Variants in CADM2 observed in about 807,000 individuals in gnomAD.
The protein encoded by CADM2 is cell adhesion molecule 2.
In CADM2, 12 loss-of-function variants were observed where a neutral mutation model predicts 49.8. That is an observed-to-expected ratio of 0.24 (90% confidence interval 0.15 to 0.39). CADM2 has a LOEUF of 0.39. Ranked by LOEUF, CADM2 falls within the 10% of genes least tolerant of loss-of-function variation. The probability of loss-of-function intolerance (pLI) is 1.00; values close to 1 mark genes in which losing one functional copy is unlikely to be tolerated. For synonymous variants in CADM2, 214 were observed against 175.4 expected, an observed-to-expected ratio of 1.22 and a Z score of -1.74; for missense variants, 378 against 492.3, an observed-to-expected ratio of 0.77 and a Z score of 2.20.
chr3:85,923,222 T>G (rs1719374228), intron 6 of CADM2, among the ~76,000 whole-genome samples: 1 of 152,182 alleles, frequency 6.6e-6, no homozygotes, highest in Non-Finnish European at 1.5e-5. Flanking sequence ...TCAAAAATCA[T>G]AAAAGGTAAA....
rs903510966 is a variant in CADM2 at position 85,947,551 on chromosome 3, G to GA, written c.791+11704dup. Among the ~76,000 whole-genome samples, 986 of 147,390 alleles carry GA rather than the reference G, an allele frequency of 6.7e-3. 9 individuals carry two copies. The highest frequency in any genetic ancestry group is 0.023 in the African/African-American group (917 of 40,424). On this transcript the variant is annotated intron_variant, in intron 7 of 9. Transcript: ENST00000383699. Reference sequence around the variant, plus strand: ...AAATTCATTCTAAATTTTCAAAATTGAAAAAAAAAATGTGTGCAGTCCTTT... The same window carrying GA: ...AAATTCATTCTAAATTTTCAAAATTGAAAAAAAAAAATGTGTGCAGTCCTTT...
chr3:85,238,738 A>T (rs2042463884), intron 1 of CADM2, among the ~76,000 whole-genome samples: 1 of 151,914 alleles, frequency 6.6e-6, no homozygotes, highest in Non-Finnish European at 1.5e-5. Context: ...TTACATAGGA[A>T]ATAATGACCT....
intron 1 of CADM2, among the ~76,000 whole-genome samples, chr3:85,030,762 T>C (rs115826591): frequency 0.014 from 2,190 of 152,264 alleles, 48 homozygotes; most frequent in African/African-American, 0.05. Flanking sequence ...ACACGAGTCC[T>C]CCATTACCCT....
Position 86,070,062 on chromosome 3 carries a change from T to C in CADM2, c.*3279T>C, listed in dbSNP as rs1312653020. ...TTTTACCAGAGAATCCAAGAAGCAGTTTAAGGAACCTGATATTGGAGTTTA... is the reference window on the plus strand; with the variant it reads ...TTTTACCAGAGAATCCAAGAAGCAGCTTAAGGAACCTGATATTGGAGTTTA... On this transcript the variant is annotated 3_prime_UTR_variant, in exon 10 of 10. Transcript: ENST00000383699. The C allele has an allele frequency of 6.6e-6, 1 of 151,848 alleles. No individual in the cohort carries two copies. The highest frequency in any genetic ancestry group is 2.4e-5 in the African/African-American group (1 of 41,388). 9.4% of individuals were successfully genotyped at this position (151,848 alleles called of 1,614,324 possible). A position where few individuals can be genotyped will look rare whatever the true frequency, so the allele number is the denominator to read the frequency against.
At chr3:85,285,359 T>C (rs2043608386) in intron 1 of CADM2, among the ~76,000 whole-genome samples, 1 of 152,048 alleles carries the variant, frequency 6.6e-6, no homozygotes. Context: ...GATAGGTAGT[T>C]CAAAAACCAA....
chr3:85,092,277 A>T (rs2037626356), intron 1 of CADM2, among the ~76,000 whole-genome samples: 1 of 152,240 alleles, frequency 6.6e-6, no homozygotes, highest in South Asian at 2.1e-4. Flanking sequence ...TATCCACAAT[A>T]CATTTTCAGA....
intron 7 of CADM2, among the ~76,000 whole-genome samples, chr3:85,948,568 G>A (rs1256994972): frequency 6.6e-6 from 1 of 150,950 alleles, no homozygotes; most frequent in African/African-American, 2.4e-5. Flanking sequence ...TTATTCCTTA[G>A]CCACTTACTC....
chr3:85,393,534 G>A (rs1377707360), intron 1 of CADM2, among the ~76,000 whole-genome samples: 1 of 152,104 alleles, frequency 6.6e-6, no homozygotes, highest in Non-Finnish European at 1.5e-5. Context: ...AAAGTTATAA[G>A]CTCTGGGATT....
chr3:85,287,999 T>C (rs1025717974), intron 1 of CADM2, among the ~76,000 whole-genome samples: 9 of 151,358 alleles, frequency 5.9e-5, no homozygotes, highest in African/African-American at 1.2e-4. Context: ...CTAATGTAAA[T>C]GAGAAGTTAA....
intron 1 of CADM2, among the ~76,000 whole-genome samples, chr3:85,576,109 T>A (rs1456856280): frequency 1.3e-5 from 2 of 152,190 alleles, no homozygotes; most frequent in Non-Finnish European, 2.9e-5. Flanking sequence ...CACCTCTTAG[T>A]ATAACTACCA....
At chr3:85,808,108 A>C (rs2072568390) in intron 3 of CADM2, among the ~76,000 whole-genome samples, 1 of 152,170 alleles carries the variant, frequency 6.6e-6, no homozygotes, top group Non-Finnish European at 1.5e-5. Context: ...TCATTAGCCT[A>C]CAAAGTCGAA....
intron 1 of CADM2, among the ~76,000 whole-genome samples, chr3:85,334,224 A>G (rs1475874451): frequency 6.6e-6 from 1 of 151,446 alleles, no homozygotes; most frequent in Non-Finnish European, 1.5e-5. Context: ...ATTTTCTATC[A>G]TTTTCTCAAG....
At chr3:85,750,619 C>T (rs1462062954) in intron 2 of CADM2, among the ~76,000 whole-genome samples, 1 of 152,020 alleles carries the variant, frequency 6.6e-6, no homozygotes, top group East Asian at 1.9e-4. Flanking sequence ...TTCCCTTTCT[C>T]ATGGTAAGAA....
At chr3:85,898,837 A>G (rs1715639127) in intron 5 of CADM2, among the ~76,000 whole-genome samples, 2 of 148,762 alleles carry the variant, frequency 1.3e-5, no homozygotes, top group Non-Finnish European at 1.5e-5. Context: ...CTAGATGCAG[A>G]CTAGCTGGAT....
At chr3:85,365,503 G>C (rs772257578) in intron 1 of CADM2, among the ~76,000 whole-genome samples, 29 of 151,972 alleles carry the variant, frequency 1.9e-4, no homozygotes, top group Non-Finnish European at 3.8e-4. Flanking sequence ...TTGGTTGACA[G>C]AGAGATTACT....
chr3:85,763,046 C>T (rs1239153447), intron 2 of CADM2, among the ~76,000 whole-genome samples: 2 of 152,020 alleles, frequency 1.3e-5, no homozygotes, highest in Non-Finnish European at 2.9e-5. Flanking sequence ...ACATTATTGA[C>T]AATATTTATT....
intron 1 of CADM2, among the ~76,000 whole-genome samples, chr3:84,995,339 T>A (rs1169559370): frequency 6.6e-6 from 1 of 152,200 alleles, no homozygotes; most frequent in Non-Finnish European, 1.5e-5. Flanking sequence ...ACTAACTCAG[T>A]CCACCAATAT....
At chr3:85,855,130 TA>T (rs935937039) in intron 3 of CADM2, among the ~76,000 whole-genome samples, 15 of 152,224 alleles carry the variant, frequency 9.9e-5, no homozygotes, top group Non-Finnish European at 2.1e-4. Flanking sequence ...TCTCCAGAAC[TA>T]CACAGTTTTG....
chr3:85,818,109 A>G (rs2108166723), intron 3 of CADM2, among the ~76,000 whole-genome samples: 1 of 152,232 alleles, frequency 6.6e-6, no homozygotes. Context: ...AGTCAATCAG[A>G]CATAAAGCAA....
Sources: gnomAD v4.1 joint callset for allele counts (sites outside exome capture counted in the v4.1 genomes callset) on GRCh38, gnomAD v4.1.1 for gene constraint, MANE v1.5 for transcripts, NCBI Gene and HGNC (gene_info 2026-07-23, HGNC 2026-07-21) for gene names.